The following RYR2 variants were observed in gnomAD, a reference collection of about 807,000 sequenced individuals.
RYR2 encodes ryanodine receptor 2, also known as cardiac muscle ryanodine receptor-calcium release channel.
RYR2 carries 227 observed loss-of-function variants against 601.1 expected under a neutral mutation model. The observed-to-expected ratio is 0.38, with a 90% CI of 0.34 to 0.42. The LOEUF (loss-of-function observed/expected upper bound fraction) is 0.42, where lower values mean the gene tolerates loss of function less well. RYR2 is among the 10% of genes least tolerant of loss of function. The pLI is 1.00. For synonymous variants in RYR2, 2,223 were observed against 2,175.1 expected (o/e 1.02, Z -0.61); for missense variants, 4,646 against 6,156.5 (o/e 0.75, Z 8.21).
chr1:237,495,012 A>C (rs1393100237), intron 19 of RYR2, among the ~76,000 whole-genome samples: 1 of 152,142 alleles, frequency 6.6e-6, no homozygotes, highest in East Asian at 1.9e-4. Context: ...CCTGGTCTCG[A>C]ACTCCTGACC....
At position 237,511,754 on chromosome 1, in the gene RYR2, C is replaced by T. The variant is rs528906699; in HGVS notation, c.2785C>T (p.Arg929Cys). 1.6e-5 allele frequency: 25 copies of T among 1,549,644 alleles called. No homozygotes were observed. The highest frequency in any genetic ancestry group is 2.8e-5 in the African/African-American group (2 of 72,624). Residue 929 changes from arginine (R) to cysteine (C), a missense_variant, in exon 24 of 105, where the codon CGC becomes TGC. By Grantham distance (180) the Arg-to-Cys change is radical. Around this residue, in one of 17 missense-constraint regions of RYR2, gnomAD observed 1,807 missense variants for 2,088.1 expected, o/e 0.87. Coordinates refer to ENST00000366574, the MANE Select transcript of RYR2 (RefSeq NM_001035.3). ...VEFSKLPEQE[R>C]NYNLQMSLET... ...GTTCTCCAAGCTGCCTGAACAGGAG[C>T]GCAATTACAACTTACAAATGTCGCT...
At chr1:237,769,250 A>C (rs929837774) in intron 84 of RYR2, among the ~76,000 whole-genome samples, 1 of 152,216 alleles carries the variant, frequency 6.6e-6, no homozygotes, top group African/African-American at 2.4e-5. Context: ...TCTTCTGATT[A>C]AGGTGACTCA....
intron 52 of RYR2, among the ~76,000 whole-genome samples, chr1:237,655,461 A>G (rs1330589436): frequency 6.6e-6 from 1 of 152,186 alleles, no homozygotes; most frequent in Non-Finnish European, 1.5e-5. Context: ...ATTATAATGT[A>G]CAGGAATTAT....
Position 237,377,336 on chromosome 1 carries a change from G to T in RYR2, c.477G>T (p.Trp159Cys). 6.2e-7 allele frequency: 1 copy of T among 1,611,778 alleles called. No homozygotes were observed. Reference protein sequence around the residue: ...LQEDTTGEACWWTIHPASKQR... With the variant: ...LQEDTTGEACCWTIHPASKQR... ...GTATATCTGCAGGGGAGGCTTGTTGGTGGACCATACACCCTGCCTCTAAGC... is the reference window on the plus strand; with the variant it reads ...GTATATCTGCAGGGGAGGCTTGTTGTTGGACCATACACCCTGCCTCTAAGC... Residue 159 changes from tryptophan to cysteine, a missense_variant, in exon 8 of 105, where the codon TGG becomes TGT. By Grantham distance (215) the Trp-to-Cys change is radical. Transcript: ENST00000366574.
intron 96 of RYR2, among the ~76,000 whole-genome samples, chr1:237,797,314 G>A (rs1251337170): frequency 6.6e-6 from 1 of 152,026 alleles, no homozygotes; most frequent in Non-Finnish European, 1.5e-5. Flanking sequence ...TGATAGACAT[G>A]GAATCTATAC....
intron 91 of RYR2, among the ~76,000 whole-genome samples, chr1:237,787,272 A>T (rs889126696): frequency 1.3e-5 from 2 of 152,096 alleles, no homozygotes; most frequent in African/African-American, 4.8e-5. Flanking sequence ...TTTAAATCTT[A>T]ATGGAAAATG....
intron 23 of RYR2, among the ~76,000 whole-genome samples, chr1:237,509,275 A>G (rs1312031926): frequency 6.6e-6 from 1 of 152,132 alleles, no homozygotes; most frequent in African/African-American, 2.4e-5. Context: ...TTCTTTTCCA[A>G]GACCTTCCCT....
chr1:237,581,693 G>C (rs1381009225), intron 29 of RYR2, among the ~76,000 whole-genome samples: 1 of 152,176 alleles, frequency 6.6e-6, no homozygotes, highest in Non-Finnish European at 1.5e-5. Context: ...AGGTTAGTAG[G>C]TCTGTACCAT....
At chr1:237,332,209 T>C (rs1388408901) in intron 3 of RYR2, among the ~76,000 whole-genome samples, 1 of 152,174 alleles carries the variant, frequency 6.6e-6, no homozygotes, top group Non-Finnish European at 1.5e-5. Flanking sequence ...TATAACGTTA[T>C]TTTCATCAGC....
chr1:237,705,453 C>T, intron 67 of RYR2, 110 bp downstream of exon 67: 1 of 854,122 alleles, frequency 1.2e-6, no homozygotes, highest in Non-Finnish European at 1.8e-6. Context: ...TATATCCAAT[C>T]TTGTTTGTTC....
Position 237,614,528 on chromosome 1 carries a change from A to G in RYR2, c.5400A>G (p.Lys1800=), listed in dbSNP as rs3820216. Residue 1800 remains lysine, a synonymous_variant, in exon 37 of 105, where the codon AAA becomes AAG. Transcript: ENST00000366574. The surrounding 1 kb of genome is among the most constrained non-coding windows in gnomAD (Gnocchi z 4.3). ...KTIQMLTEAV[K]EGSLHARDPV... Reference sequence around the variant, plus strand: ...TACAGATGCTGACAGAAGCTGTTAAAGAGGGCAGTCTTCATGCCCGGGACC... The same window carrying G: ...TACAGATGCTGACAGAAGCTGTTAAGGAGGGCAGTCTTCATGCCCGGGACC... The G allele has an allele frequency of 0.01, 16,906 of 1,614,014 alleles. 686 individuals are homozygous for G. The African/African-American group carries it at 0.11, about 10-fold the overall frequency.
chr1:237,709,694 C>T lies in RYR2; in HGVS notation c.10230+127C>T, dbSNP rs1405952337. 14 of 510,916 alleles carry T rather than the reference C, an allele frequency of 2.7e-5. No individual in the cohort carries two copies. In the East Asian group the frequency reaches 4.2e-4, roughly 15 times the overall value. 31.6% of individuals were successfully genotyped at this position (510,916 alleles called of 1,614,324 possible). On this transcript the variant is annotated intron_variant, in intron 70 of 104. Coordinates refer to ENST00000366574, the MANE Select transcript of RYR2 (RefSeq NM_001035.3). ...CCTGAGGAGTTTGAGGGAATATAAA[C>T]CTTCTTCTGAGTTTTGCAATTTATC...
Position 237,610,859 on chromosome 1 carries a change from T to C in RYR2, c.4781T>C (p.Val1594Ala), listed in dbSNP as rs1559110438. Residue 1594 changes from valine (V) to alanine (A), a missense_variant, in exon 36 of 105, where the codon GTC becomes GCC. Physicochemically the swap from Val to Ala is moderately conservative, Grantham distance 64 (BLOSUM62 0). Around this residue, in one of 17 missense-constraint regions of RYR2, gnomAD observed 1,807 missense variants for 2,088.1 expected, o/e 0.87. Transcript: ENST00000366574. The surrounding 1 kb of genome is among the most constrained non-coding windows in gnomAD (Gnocchi z 4.9). ...CTCCACGTGCAGTTCCTGTCACACG[T>C]CCTGTGGAGCAGAATGCCCAACCAG... ...PRLHVQFLSH[V>A]LWSRMPNQFL... 6.2e-7 allele frequency: 1 copy of C among 1,613,410 alleles called. No individual in the cohort carries two copies. Among genetic ancestry groups the C allele is most frequent in the Non-Finnish European group, 8.5e-7 (1 of 1,179,670 alleles).
chr1:237,068,230 G>A (rs574036230), intron 1 of RYR2, among the ~76,000 whole-genome samples: 18 of 152,104 alleles, frequency 1.2e-4, no homozygotes, highest in Non-Finnish European at 1.8e-4. Flanking sequence ...TTACAATAAA[G>A]TCACACTGAC....
intron 1 of RYR2, among the ~76,000 whole-genome samples, chr1:237,246,627 A>G (rs972854271): frequency 3.9e-5 from 6 of 152,062 alleles, no homozygotes; most frequent in Non-Finnish European, 8.8e-5. Context: ...TTAGAGAGGT[A>G]TATTCTTCAC....
intron 1 of RYR2, among the ~76,000 whole-genome samples, chr1:237,087,461 G>T (rs919720416): frequency 6.6e-6 from 1 of 152,082 alleles, no homozygotes; most frequent in South Asian, 2.1e-4. Flanking sequence ...AAATGTTTTT[G>T]TTTAAAGGGA....
intron 1 of RYR2, among the ~76,000 whole-genome samples, chr1:237,215,912 C>T (rs6696598): frequency 0.34 from 51,101 of 152,034 alleles, 8,934 homozygotes; most frequent in East Asian, 0.52. Flanking sequence ...CTAGTAATTA[C>T]GTTACTAAGG....
At position 237,042,403 on chromosome 1, in the gene RYR2, C is replaced by A; in HGVS notation, c.-119C>A. The A allele has an allele frequency of 1.0e-6, 1 of 999,112 alleles. No individual in the cohort carries two copies. The highest frequency in any genetic ancestry group is 1.3e-6 in the Non-Finnish European group (1 of 786,326). 61.9% of individuals were successfully genotyped at this position (999,112 alleles called of 1,614,324 possible). A position where few individuals can be genotyped will look rare whatever the true frequency, so the allele number is the denominator to read the frequency against. ...CCGCCCGGCGCTCGGCACCCGGCAG[C>A]GCGGCCCCCTCCAGCCCCCGGCTCC... is the stretch of plus-strand genomic sequence containing the variant. On this transcript the variant is annotated 5_prime_UTR_variant, in exon 1 of 105. Coordinates refer to ENST00000366574, the MANE Select transcript of RYR2 (RefSeq NM_001035.3).
intron 2 of RYR2, among the ~76,000 whole-genome samples, chr1:237,316,954 GT>G (rs1303102044): frequency 1.3e-5 from 2 of 152,078 alleles, no homozygotes; most frequent in African/African-American, 4.8e-5. Context: ...AGTGAAGGGG[GT>G]TCGTGTGGGT....
Sources: gnomAD v4.1 joint callset for allele counts (sites outside exome capture counted in the v4.1 genomes callset) on GRCh38, gnomAD v4.1.1 for gene constraint, gnomAD v4.1.1 regional missense constraint, Gnocchi (gnomAD v3.1) non-coding constraint, MANE v1.5 for transcripts, NCBI Gene and HGNC (gene_info 2026-07-23, HGNC 2026-07-21) for gene names.